COMMD1: variants seen among roughly 807,000 people sequenced by gnomAD.
COMMD1 encodes COMM domain-containing protein 1.
Under a neutral mutation model 17.2 loss-of-function variants are expected in COMMD1, and 10 were observed. That is an observed-to-expected ratio of 0.58 (90% CI 0.36 to 0.99). COMMD1 has a LOEUF of 0.99. COMMD1 is among the 50% of genes least tolerant of loss of function. The pLI is 0.01. For missense variants in COMMD1, 270 were observed against 231.8 expected (o/e 1.17, Z -1.07); for synonymous variants, 97 against 91.6 (o/e 1.06, Z -0.34).
chr2:62,134,820 C>T (rs766866807), intron 2 of COMMD1, among the ~76,000 whole-genome samples: 2 of 152,004 alleles, frequency 1.3e-5, no homozygotes, highest in Non-Finnish European at 2.9e-5. Flanking sequence ...GATTGATTGA[C>T]CAATCCTAAC....
intron 2 of COMMD1, among the ~76,000 whole-genome samples, chr2:62,060,496 T>C (rs1670828639): frequency 6.6e-6 from 1 of 152,224 alleles, no homozygotes; most frequent in Admixed American, 6.5e-5. Context: ...TAAGTAGTCC[T>C]ATGTATTTCC....
In COMMD1 at chr2:61,999,288, T is replaced by G. The variant is rs375212067; in HGVS notation, c.181-1413T>G. 1.6e-3 allele frequency among the ~76,000 whole-genome samples: 244 copies of G among 152,346 alleles called. 2 individuals are homozygous for G. Among genetic ancestry groups the G allele is most frequent in the African/African-American group, 5.5e-3 (230 of 41,582 alleles). On this transcript the variant is annotated intron_variant, in intron 1 of 2. Coordinates refer to ENST00000311832, the MANE Select transcript of COMMD1 (RefSeq NM_152516.4). ...TTACTATGCTTGAGCTTATATTTAG[T>G]TACTGTGTCTTCTTGGATGCTGGAA...
intron 1 of COMMD1, among the ~76,000 whole-genome samples, chr2:61,955,172 A>G (rs1352730151): frequency 6.6e-6 from 1 of 151,476 alleles, no homozygotes; most frequent in Non-Finnish European, 1.5e-5. Flanking sequence ...TCATTCCCAT[A>G]TTTCTTTGGT....
At chr2:61,908,750 G>C (rs1292695364) in intron 1 of COMMD1, among the ~76,000 whole-genome samples, 1 of 150,996 alleles carries the variant, frequency 6.6e-6, no homozygotes, top group Non-Finnish European at 1.5e-5. Flanking sequence ...TTGTTTTTCA[G>C]TAGAGACGGG....
chr2:62,078,552 C>CAAAAAAAA (rs34983790), intron 2 of COMMD1, among the ~76,000 whole-genome samples: 1 of 86,902 alleles, frequency 1.2e-5, no homozygotes, highest in Admixed American at 1.4e-4. Context: ...GACTCCGTCT[C>CAAAAAAAA]AAAAAAAAAA....
intron 1 of COMMD1, among the ~76,000 whole-genome samples, chr2:61,963,587 G>GTACA (rs1488006300): frequency 6.6e-6 from 1 of 152,110 alleles, no homozygotes; most frequent in African/African-American, 2.4e-5. Flanking sequence ...CAGGTGATCT[G>GTACA]CCCGCCTCGG....
chr2:62,000,155 C>G (rs1056527166), intron 1 of COMMD1, among the ~76,000 whole-genome samples: 1 of 152,030 alleles, frequency 6.6e-6, no homozygotes, highest in African/African-American at 2.4e-5. Context: ...AATTTCTGAC[C>G]TCAAGCAATC....
chr2:61,994,106 C>T (rs1394816874), intron 1 of COMMD1, among the ~76,000 whole-genome samples: 1 of 152,132 alleles, frequency 6.6e-6, no homozygotes, highest in Non-Finnish European at 1.5e-5. Context: ...CCTGCATCGG[C>T]CTCTCGAGTA....
At chr2:61,921,634 G>A (rs917390783) in intron 1 of COMMD1, among the ~76,000 whole-genome samples, 1 of 152,070 alleles carries the variant, frequency 6.6e-6, no homozygotes, top group African/African-American at 2.4e-5. Flanking sequence ...TAGTAGAGAC[G>A]GGGTTTCACC....
intron 1 of COMMD1, among the ~76,000 whole-genome samples, chr2:61,910,217 A>G (rs886676417): frequency 6.6e-6 from 1 of 151,936 alleles, no homozygotes; most frequent in South Asian, 2.1e-4. Flanking sequence ...TTGTATTTAT[A>G]TATAAAATAT....
chr2:61,994,951 G>A (rs916302535), intron 1 of COMMD1, among the ~76,000 whole-genome samples: 19 of 152,204 alleles, frequency 1.2e-4, no homozygotes, highest in African/African-American at 4.6e-4. Flanking sequence ...TAGCAGATAG[G>A]GGCATAGCAA....
chr2:62,099,167 AG>A (rs1488513528), intron 2 of COMMD1, among the ~76,000 whole-genome samples: 1 of 152,186 alleles, frequency 6.6e-6, no homozygotes, highest in African/African-American at 2.4e-5. Flanking sequence ...GAGAGAGCAG[AG>A]GGTCAGGAGG....
Position 62,000,998 on chromosome 2 carries a change from G to T in COMMD1, c.462+16G>T, listed in dbSNP as rs371716311. On this transcript the variant is annotated intron_variant, in intron 2 of 2. Transcript: ENST00000311832. ...ATATGGACAGGTGAGTTAAACTTAA[G>T]TCAATTTTCCTTTGTAAACTGTATT... The T allele has an allele frequency of 6.2e-7, 1 of 1,608,614 alleles. No individual in the cohort carries two copies.
chr2:61,948,356 A>G (rs1191082235), intron 1 of COMMD1, among the ~76,000 whole-genome samples: 2 of 152,216 alleles, frequency 1.3e-5, no homozygotes, highest in African/African-American at 2.4e-5. Flanking sequence ...TTTAAAAAAT[A>G]TTTAAGTTAG....
intron 2 of COMMD1, among the ~76,000 whole-genome samples, chr2:62,110,642 T>C (rs1007454018): frequency 6.6e-6 from 1 of 152,182 alleles, no homozygotes; most frequent in Non-Finnish European, 1.5e-5. Flanking sequence ...ATTATGTTTA[T>C]GTGATTAAAG....
chr2:61,920,907 A>G (rs973741089), intron 1 of COMMD1, among the ~76,000 whole-genome samples: 6 of 149,974 alleles, frequency 4.0e-5, no homozygotes, highest in African/African-American at 1.2e-4. Context: ...GTGTGTGTGT[A>G]TATATATGTA....
chr2:62,094,176 G>A (rs760710857), intron 2 of COMMD1, among the ~76,000 whole-genome samples: 8 of 152,174 alleles, frequency 5.3e-5, no homozygotes, highest in African/African-American at 9.7e-5. Flanking sequence ...CTGGAAGGGG[G>A]AGCCGGGTAG....
chr2:62,092,765 G>A lies in COMMD1; in HGVS notation c.463-43066G>A, dbSNP rs1671869754. Among the ~76,000 whole-genome samples, 2 of 152,278 alleles carry A rather than the reference G, an allele frequency of 1.3e-5. 1 individual carries two copies. Among genetic ancestry groups the A allele is most frequent in the South Asian group, 4.1e-4 (2 of 4,822 alleles). On this transcript the variant is annotated intron_variant, in intron 2 of 2. Coordinates refer to ENST00000311832, the MANE Select transcript of COMMD1 (RefSeq NM_152516.4). ...AATGCAGTATTTCCCCTTTGAGTAA[G>A]GCCAGTTTGTATAAGCCCTTAGCCA...
At chr2:62,012,546 G>A (rs1169630181) in intron 2 of COMMD1, among the ~76,000 whole-genome samples, 5 of 151,792 alleles carry the variant, frequency 3.3e-5, no homozygotes, top group Admixed American at 2.6e-4. Flanking sequence ...TTGAACTCCC[G>A]ACCTCAGTTG....
Sources: gnomAD v4.1 joint callset for allele counts (sites outside exome capture counted in the v4.1 genomes callset) on GRCh38, gnomAD v4.1.1 for gene constraint, MANE v1.5 for transcripts, NCBI Gene and HGNC (gene_info 2026-07-23, HGNC 2026-07-21) for gene names.